Variants in SYTL1 observed in about 807,000 individuals in gnomAD.
The protein encoded by SYTL1 is synaptotagmin like 1.
SYTL1 carries 53 observed loss-of-function variants against 74.6 expected under a neutral mutation model. That is an observed-to-expected ratio of 0.71 (90% confidence interval 0.57 to 0.89). SYTL1 has a LOEUF of 0.89. Among genes scored for constraint, SYTL1 ranks in the 40% least tolerant of loss-of-function variants. The pLI is 0.00. For missense variants in SYTL1, 728 were observed against 768.7 expected (o/e 0.95, Z 0.63); for synonymous variants, 329 against 324.9 (o/e 1.01, Z -0.14).
In SYTL1 at chr1:27,342,061, C is replaced by T. The variant is rs1266675253; in HGVS notation, c.-128C>T. The T allele has an allele frequency of 6.6e-6, 1 of 152,396 alleles. No individual in the cohort carries two copies. Among genetic ancestry groups the T allele is most frequent in the Non-Finnish European group, 1.5e-5 (1 of 68,186 alleles). The allele number at this position is 152,396 out of a possible 1,614,324, so 9.4% of individuals were successfully genotyped here. ...CTGCCTGTTGAGTCAGCCTTCTTCC[C>T]TCACGGCTCTTCTCCCGGTCCCTGA... is the stretch of plus-strand genomic sequence containing the variant. On this transcript the variant is annotated 5_prime_UTR_variant, in exon 1 of 15. Transcript: ENST00000616558. This position sits in a 1 kb window ranked among gnomAD's most constrained non-coding sequence, Gnocchi z 4.7.
chr1:27,347,980 G>A lies in SYTL1; in HGVS notation c.427G>A (p.Glu143Lys), dbSNP rs769448227. 3.1e-6 allele frequency: 5 copies of A among 1,614,196 alleles called. No homozygotes were observed. Among genetic ancestry groups the A allele is most frequent in the Middle Eastern group, 1.6e-4 (1 of 6,062 alleles). The change falls in exon 5 of 15, where the codon GAG (glutamate) becomes AAG (lysine). Residue 143 changes from glutamate to lysine, a missense_variant. Coordinates refer to ENST00000616558, the MANE Select transcript of SYTL1 (RefSeq NM_001193308.2). This position sits in a 1 kb window ranked among gnomAD's most constrained non-coding sequence, Gnocchi z 4.9. ...CCCTACTCCTAGGCTCACCATTGATGAGGCCCCTCAGGAGAGGCTCAGGGA... is the reference window on the plus strand; with the variant it reads ...CCCTACTCCTAGGCTCACCATTGATAAGGCCCCTCAGGAGAGGCTCAGGGA... ...EGPEPRLTIDEAPQERLRETE... is the reference protein window; with the variant it reads ...EGPEPRLTIDKAPQERLRETE...
At position 27,351,475 on chromosome 1, in the gene SYTL1, C is replaced by G; in HGVS notation, c.1263C>G (p.Ser421Arg). ...CCGCAGGCGCAGGACTGCCCCCGAG[C>G]GGGGAGCTGCACTTCTGGGTGAAGG... ...AGSEGAGLPPSGELHFWVKEA... is the reference protein window; with the variant it reads ...AGSEGAGLPPRGELHFWVKEA... Residue 421 changes from serine to arginine, a missense_variant, in exon 13 of 15, where the codon AGC (serine) becomes AGG (arginine). Physicochemically the swap from Ser to Arg is moderately radical, Grantham distance 110 (BLOSUM62 -1). Coordinates refer to ENST00000616558, the MANE Select transcript of SYTL1 (RefSeq NM_001193308.2). The surrounding 1 kb of genome is among the most constrained non-coding windows in gnomAD (Gnocchi z 5.0). 6.5e-7 allele frequency: 1 copy of G among 1,545,154 alleles called. No homozygotes were observed. The highest frequency in any genetic ancestry group is 8.7e-7 in the Non-Finnish European group (1 of 1,144,482).
chr1:27,349,785 A>C lies in SYTL1; in HGVS notation c.747+20A>C. ...TCCACGGTGAGGCGGGAGGGAGGGG[A>C]CCCGGGCGGCCGGGGGGTGGACCCG... On this transcript the variant is annotated intron_variant, in intron 8 of 14. Transcript: ENST00000616558. 6.3e-7 allele frequency: 1 copy of C among 1,578,436 alleles called. No homozygotes were observed.
rs2015117358 is a variant in SYTL1, at chr1:27,348,969, C to G, written c.460-111C>G. The G allele has an allele frequency of 1.1e-6, 1 of 869,894 alleles. No individual in the cohort carries two copies. The highest frequency in any genetic ancestry group is 1.7e-5 in the African/African-American group (1 of 58,790). The allele number at this position is 869,894 out of a possible 1,614,324, so 53.9% of individuals were successfully genotyped here. On this transcript the variant is annotated intron_variant, in intron 5 of 14. Coordinates refer to ENST00000616558, the MANE Select transcript of SYTL1 (RefSeq NM_001193308.2). This position sits in a 1 kb window ranked among gnomAD's most constrained non-coding sequence, Gnocchi z 4.1. ...GCCCTGCCCGGAGGGCTGCCCTAAA[C>G]CTGAAACTGGGGTAGCTGGCTGGAG...
At position 27,353,432 on chromosome 1, in the gene SYTL1, A is replaced by G. The variant is rs756228130; in HGVS notation, c.1493A>G (p.Asp498Gly). Residue 498 changes from aspartate to glycine, a missense_variant, in exon 14 of 15, where the codon GAC (aspartate) becomes GGC (glycine). By Grantham distance (94) the Asp-to-Gly change is moderately conservative. Coordinates refer to ENST00000616558, the MANE Select transcript of SYTL1 (RefSeq NM_001193308.2). Reference sequence around the variant, plus strand: ...GCTTGTGCCGAGCTCTCCCTCTGGGACCATGGGGCCCTGGCCAACCGCCAG... The same window carrying G: ...GCTTGTGCCGAGCTCTCCCTCTGGGGCCATGGGGCCCTGGCCAACCGCCAG... ...RQACAELSLW[D>G]HGALANRQLG... The G allele has an allele frequency of 1.9e-6, 3 of 1,610,436 alleles. No individual in the cohort carries two copies. The South Asian group carries it at 3.3e-5, about 18-fold the overall frequency.
rs1461652017 is a variant in SYTL1, at chr1:27,348,348, G to A, written c.459+336G>A. ...GCATTTTGGGAGGCTGATGTGGGAGGATCGCTTGAGCCGAGGAGTTCAAGA... is the reference window on the plus strand; with the variant it reads ...GCATTTTGGGAGGCTGATGTGGGAGAATCGCTTGAGCCGAGGAGTTCAAGA... On this transcript the variant is annotated intron_variant, in intron 5 of 14. Coordinates refer to ENST00000616558, the MANE Select transcript of SYTL1 (RefSeq NM_001193308.2). The surrounding 1 kb of genome is among the most constrained non-coding windows in gnomAD (Gnocchi z 4.1). Among the ~76,000 whole-genome samples the A allele has an allele frequency of 6.6e-6, 1 of 151,948 alleles. No individual in the cohort carries two copies. The highest frequency in any genetic ancestry group is 2.4e-5 in the African/African-American group (1 of 41,336).
chr1:27,350,529 C>A lies in SYTL1; in HGVS notation c.1005+44C>A. 6.6e-7 allele frequency: 1 copy of A among 1,513,692 alleles called. No homozygotes were observed. The highest frequency in any genetic ancestry group is 9.1e-7 in the Non-Finnish European group (1 of 1,098,026). The allele number at this position is 1,513,692 out of a possible 1,614,324, so 93.8% of individuals were successfully genotyped here. On this transcript the variant is annotated intron_variant, in intron 10 of 14. Transcript: ENST00000616558. This position sits in a 1 kb window ranked among gnomAD's most constrained non-coding sequence, Gnocchi z 6.3. Reference sequence around the variant, plus strand: ...TGCGGTTCCCCGTTAATGAACTGGACGCCCCCTTCCTGCGGGGCTAGGTGG... The same window carrying A: ...TGCGGTTCCCCGTTAATGAACTGGAAGCCCCCTTCCTGCGGGGCTAGGTGG...
chr1:27,351,327 G>A lies in SYTL1; in HGVS notation c.1234G>A (p.Gly412Ser), dbSNP rs1388055770. The stretch of plus-strand genomic sequence containing the variant: ...CCTGTCCCTCAAGTACGTCCCCGCC[G>A]GCTCCGAGGGTGAGTGACAGCCGGA... ...LALSLKYVPAGSEGAGLPPSG... is the reference protein window; with the variant it reads ...LALSLKYVPASSEGAGLPPSG... Residue 412 changes from glycine (G) to serine (S), a missense_variant, in exon 12 of 15, where the codon GGC becomes AGC. Physicochemically the swap from Gly to Ser is moderately conservative, Grantham distance 56. Coordinates refer to ENST00000616558, the MANE Select transcript of SYTL1 (RefSeq NM_001193308.2). This position sits in a 1 kb window ranked among gnomAD's most constrained non-coding sequence, Gnocchi z 5.0. 6.4e-7 allele frequency: 1 copy of A among 1,553,408 alleles called. No individual in the cohort carries two copies.
Position 27,349,634 on chromosome 1 carries a change from C to T in SYTL1, c.634-18C>T, listed in dbSNP as rs12122380. ...GGTGGGGAAAGAAGGGGCGCCCCGT[C>T]ACTTGCCCCCTCTGCAGACCAAGGC... On this transcript the variant is annotated intron_variant, in intron 7 of 14. Coordinates refer to ENST00000616558, the MANE Select transcript of SYTL1 (RefSeq NM_001193308.2). The T allele has an allele frequency of 8.0e-3, 12,697 of 1,593,174 alleles. 81 individuals are homozygous for T. The highest frequency in any genetic ancestry group is 9.7e-3 in the Non-Finnish European group (11,323 of 1,170,404).
rs960830492 is a variant in SYTL1, at chr1:27,342,859, G to T, written c.-39+709G>T. On this transcript the variant is annotated intron_variant, in intron 1 of 14. Coordinates refer to ENST00000616558, the MANE Select transcript of SYTL1 (RefSeq NM_001193308.2). This position sits in a 1 kb window ranked among gnomAD's most constrained non-coding sequence, Gnocchi z 4.7. ...AATCCACAGGGGAGGCCGAACGTGG[G>T]CTCACACCCCAATCCACAGGGGAGG... 1.3e-5 allele frequency among the ~76,000 whole-genome samples: 2 copies of T among 152,110 alleles called. No homozygotes were observed. The highest frequency in any genetic ancestry group is 4.8e-5 in the African/African-American group (2 of 41,404).
rs914036776 is a variant in SYTL1, at chr1:27,343,588, ATGTG to A, written c.-39+1448_-39+1451del. Among the ~76,000 whole-genome samples the A allele has an allele frequency of 1.4e-5, 2 of 148,120 alleles. No homozygotes were observed. Among genetic ancestry groups the A allele is most frequent in the Middle Eastern group, 3.5e-3 (1 of 286 alleles). On this transcript the variant is annotated intron_variant, in intron 1 of 14. Coordinates refer to ENST00000616558, the MANE Select transcript of SYTL1 (RefSeq NM_001193308.2). This position sits in a 1 kb window ranked among gnomAD's most constrained non-coding sequence, Gnocchi z 5.2. Reference sequence around the variant, plus strand: ...GTTCCTGGTGCGGGGGAGTGAGCAGATGTGTGTGTGTGTACGTGTGTGTGTGTGT... The same window carrying A: ...GTTCCTGGTGCGGGGGAGTGAGCAGATGTGTGTGTACGTGTGTGTGTGTGT...
At chr1:27,344,482 C>T (rs909238353) in intron 1 of SYTL1, among the ~76,000 whole-genome samples, 6 of 150,760 alleles carry the variant, frequency 4.0e-5, no homozygotes, top group Non-Finnish European at 7.4e-5. Flanking sequence ...CTCAGGTGAT[C>T]GGCCCACCTT....
Position 27,345,575 on chromosome 1 carries a change from C to A in SYTL1, c.191+50C>A. Reference sequence around the variant, plus strand: ...GGGAGCACCAAGAGGCTTGAGTGGCCCCCATCCTGCTCCCTACCGACACCA... The same window carrying A: ...GGGAGCACCAAGAGGCTTGAGTGGCACCCATCCTGCTCCCTACCGACACCA... On this transcript the variant is annotated intron_variant, in intron 2 of 14. Transcript: ENST00000616558. This position sits in a 1 kb window ranked among gnomAD's most constrained non-coding sequence, Gnocchi z 6.0. 7.7e-7 allele frequency: 1 copy of A among 1,305,652 alleles called. No individual in the cohort carries two copies. Among genetic ancestry groups the A allele is most frequent in the South Asian group, 1.4e-5 (1 of 71,844 alleles). The allele number at this position is 1,305,652 out of a possible 1,614,324, so 80.9% of individuals were successfully genotyped here.
At position 27,349,486 on chromosome 1, in the gene SYTL1, C is replaced by T; in HGVS notation, c.621C>T (p.Pro207=). 6.9e-7 allele frequency: 1 copy of T among 1,453,746 alleles called. No homozygotes were observed. The highest frequency in any genetic ancestry group is 9.1e-7 in the Non-Finnish European group (1 of 1,102,842). 90.1% of individuals were successfully genotyped at this position (1,453,746 alleles called of 1,614,324 possible). A position where few individuals can be genotyped will look rare whatever the true frequency, so the allele number is the denominator to read the frequency against. ...CGGGGGGAGAGCAGGAGCCGCGGCCCCAGCAAGCCCAGGTAGGCGGGAGTG... is the reference window on the plus strand; with the variant it reads ...CGGGGGGAGAGCAGGAGCCGCGGCCTCAGCAAGCCCAGGTAGGCGGGAGTG... ...PASGGEQEPR[P]QQAQTKAASQ... The change falls in exon 7 of 15, where the codon CCC becomes CCT. Residue 207 remains proline (P), a synonymous_variant. Transcript: ENST00000616558.
rs1366978523 is a variant in SYTL1 at position 27,348,560 on chromosome 1, A to G, written c.460-520A>G. Among the ~76,000 whole-genome samples, 1 of 152,104 alleles carries G rather than the reference A, an allele frequency of 6.6e-6. No individual in the cohort carries two copies. Among genetic ancestry groups the G allele is most frequent in the South Asian group, 2.1e-4 (1 of 4,828 alleles). ...CCATCTCTACTAAAAATACAAAATTAGCTGGGCATGATGGTGCATAACCTG... is the reference window on the plus strand; with the variant it reads ...CCATCTCTACTAAAAATACAAAATTGGCTGGGCATGATGGTGCATAACCTG... On this transcript the variant is annotated intron_variant, in intron 5 of 14. Coordinates refer to ENST00000616558, the MANE Select transcript of SYTL1 (RefSeq NM_001193308.2). The surrounding 1 kb of genome is among the most constrained non-coding windows in gnomAD (Gnocchi z 4.1).
chr1:27,342,890 C>T lies in SYTL1; in HGVS notation c.-39+740C>T, dbSNP rs1384151738. ...ACCCCAATCCACAGGGGAGGCCGAA[C>T]GTGGGCTCACACGTTGGCCACAGAA... On this transcript the variant is annotated intron_variant, in intron 1 of 14. Coordinates refer to ENST00000616558, the MANE Select transcript of SYTL1 (RefSeq NM_001193308.2). This position sits in a 1 kb window ranked among gnomAD's most constrained non-coding sequence, Gnocchi z 4.7. Among the ~76,000 whole-genome samples, 1 of 152,104 alleles carries T rather than the reference C, an allele frequency of 6.6e-6. No individual in the cohort carries two copies. Among genetic ancestry groups the T allele is most frequent in the African/African-American group, 2.4e-5 (1 of 41,416 alleles).
chr1:27,344,573 C>T (rs1281954116), intron 1 of SYTL1, among the ~76,000 whole-genome samples: 5 of 138,694 alleles, frequency 3.6e-5, no homozygotes, highest in Admixed American at 1.4e-4. Flanking sequence ...TGTGTAGGGC[C>T]GGGCGTGGTG....
chr1:27,348,058 G>C lies in SYTL1; in HGVS notation c.459+46G>C. ...GTGAGTACAGTGTCCCTGGAGGGGA[G>C]GTGGAATGTGCAGGGGGCAGGGGGG... On this transcript the variant is annotated intron_variant, in intron 5 of 14. Transcript: ENST00000616558. The surrounding 1 kb of genome is among the most constrained non-coding windows in gnomAD (Gnocchi z 4.1). 6.3e-7 allele frequency: 1 copy of C among 1,592,292 alleles called. No individual in the cohort carries two copies. Among genetic ancestry groups the C allele is most frequent in the Non-Finnish European group, 8.6e-7 (1 of 1,160,300 alleles).
chr1:27,351,116 C>G lies in SYTL1; in HGVS notation c.1165-142C>G. 2 of 1,317,868 alleles carry G rather than the reference C, an allele frequency of 1.5e-6. No individual in the cohort carries two copies. Among genetic ancestry groups the G allele is most frequent in the Admixed American group, 2.3e-5 (1 of 42,980 alleles). The allele number at this position is 1,317,868 out of a possible 1,614,324, so 81.6% of individuals were successfully genotyped here. On this transcript the variant is annotated intron_variant, in intron 11 of 14. Transcript: ENST00000616558. The surrounding 1 kb of genome is among the most constrained non-coding windows in gnomAD (Gnocchi z 5.0). ...AGCCCGGCCGGCCACGGCCCCTTCCCCGAGGGCGCTAGGACCCCTAGGTTC... is the reference window on the plus strand; with the variant it reads ...AGCCCGGCCGGCCACGGCCCCTTCCGCGAGGGCGCTAGGACCCCTAGGTTC...
Sources: gnomAD v4.1 joint callset for allele counts (sites outside exome capture counted in the v4.1 genomes callset) on GRCh38, gnomAD v4.1.1 for gene constraint, Gnocchi (gnomAD v3.1) non-coding constraint, MANE v1.5 for transcripts, NCBI Gene and HGNC (gene_info 2026-07-23, HGNC 2026-07-21) for gene names.